Variants in CDC42BPA observed in about 807,000 individuals in gnomAD.
The protein encoded by CDC42BPA is serine/threonine-protein kinase MRCK alpha.
A neutral mutation model predicts 223.5 loss-of-function variants in CDC42BPA; 80 were observed. The observed-to-expected ratio is 0.36, with a 90% CI of 0.30 to 0.43. CDC42BPA has a LOEUF of 0.43. Among genes scored for constraint, CDC42BPA ranks in the 20% least tolerant of loss-of-function variants. The pLI, the probability that CDC42BPA is intolerant of heterozygous loss-of-function variation, is 1.00. For missense variants in CDC42BPA, 1,743 were observed against 2,099.9 expected (o/e 0.83, Z 3.32); for synonymous variants, 694 against 718.6 (o/e 0.97, Z 0.55).
chr1:227,181,110 A>G (rs989692539), intron 5 of CDC42BPA, among the ~76,000 whole-genome samples: 1 of 152,248 alleles, frequency 6.6e-6, no homozygotes, highest in East Asian at 1.9e-4. Flanking sequence ...TATGCAGCAA[A>G]TCAAAAACAG....
rs1309498246 is a variant in CDC42BPA at position 227,230,812 on chromosome 1, C to CTTTTTTTT, written c.271-17594_271-17593insAAAAAAAA. ...GCTAACTGATTTCTATTTCTTTTTT[C>CTTTTTTTT]TTTCTTTCTTTTTTTTTTTTTTTTT... On this transcript the variant is annotated intron_variant, in intron 2 of 36. Transcript: ENST00000366766. 1.5e-3 allele frequency among the ~76,000 whole-genome samples: 163 copies of CTTTTTTTT among 111,736 alleles called. 5 individuals are homozygous for CTTTTTTTT. The highest frequency in any genetic ancestry group is 2.2e-3 in the Non-Finnish European group (116 of 53,684). 73.3% of individuals were successfully genotyped at this position (111,736 alleles called of 152,430 possible).
chr1:227,103,374 G>C (rs1459141826), intron 14 of CDC42BPA, among the ~76,000 whole-genome samples: 4 of 152,014 alleles, frequency 2.6e-5, no homozygotes, highest in Non-Finnish European at 4.4e-5. Context: ...AAGGATAATA[G>C]TGAGAAATTT....
At chr1:227,181,817 G>A (rs1044849490) in intron 5 of CDC42BPA, among the ~76,000 whole-genome samples, 3 of 152,106 alleles carry the variant, frequency 2.0e-5, no homozygotes, top group Non-Finnish European at 4.4e-5. Context: ...TGAAGTAGAA[G>A]TATTTTCTTA....
intron 12 of CDC42BPA, among the ~76,000 whole-genome samples, chr1:227,119,144 A>G (rs977354794): frequency 6.6e-6 from 1 of 152,104 alleles, no homozygotes; most frequent in Admixed American, 6.5e-5. Context: ...TGCAATGGCT[A>G]GTATTAGTCC....
intron 2 of CDC42BPA, among the ~76,000 whole-genome samples, chr1:227,232,531 C>T (rs1325585245): frequency 6.6e-6 from 1 of 152,234 alleles, no homozygotes; most frequent in East Asian, 1.9e-4. Context: ...CTGGTTTCTC[C>T]CCATCTTTGT....
intron 2 of CDC42BPA, among the ~76,000 whole-genome samples, chr1:227,232,473 TGGA>T (rs1678174494): frequency 6.6e-6 from 1 of 152,226 alleles, no homozygotes; most frequent in Non-Finnish European, 1.5e-5. Context: ...TGCGTTCCTT[TGGA>T]GGAGAAGAGG....
intron 3 of CDC42BPA, among the ~76,000 whole-genome samples, chr1:227,207,361 C>CTTTTTTTTTT (rs1672958380): frequency 9.3e-6 from 1 of 107,536 alleles, no homozygotes; most frequent in African/African-American, 3.5e-5. Flanking sequence ...CTTTTTTTTT[C>CTTTTTTTTTT]TTTTTCTTTT....
intron 14 of CDC42BPA, among the ~76,000 whole-genome samples, chr1:227,108,950 G>C (rs902463510): frequency 6.6e-6 from 1 of 151,912 alleles, no homozygotes; most frequent in Non-Finnish European, 1.5e-5. Context: ...AATACTGCAG[G>C]GAACTGTAAC....
chr1:227,318,162 G>A lies in CDC42BPA; in HGVS notation c.-980C>T, dbSNP rs539375125. ...CTCCCGACGCCCCAGGCGGGGGGGTGCTTCTCTGAATTCAAAGGACACAAG... is the reference window on the plus strand; with the variant it reads ...CTCCCGACGCCCCAGGCGGGGGGGTACTTCTCTGAATTCAAAGGACACAAG... On this transcript the variant is annotated 5_prime_UTR_variant, in exon 1 of 37. Transcript: ENST00000366766. 9.6e-3 allele frequency: 1,566 copies of A among 162,966 alleles called. 44 individuals are homozygous for A. The highest frequency in any genetic ancestry group is 0.035 in the African/African-American group (1,461 of 41,612). The allele number at this position is 162,966 out of a possible 1,614,324, so 10.1% of individuals were successfully genotyped here. A position where few individuals can be genotyped will look rare whatever the true frequency, so the allele number is the denominator to read the frequency against.
intron 1 of CDC42BPA, among the ~76,000 whole-genome samples, chr1:227,266,470 T>C (rs141037939): frequency 3.9e-5 from 6 of 152,240 alleles, no homozygotes; most frequent in Non-Finnish European, 7.3e-5. Flanking sequence ...CCTCAAGACT[T>C]ATTTAGTAAT....
intron 31 of CDC42BPA, 60 bp downstream of exon 31, chr1:227,025,995 G>C (rs1310995132): frequency 2.3e-6 from 2 of 862,716 alleles, no homozygotes; most frequent in African/African-American, 3.5e-5. Flanking sequence ...TTACTATGTA[G>C]TAATTTAGTG....
intron 21 of CDC42BPA, chr1:227,068,842 T>A (rs543992385): frequency 6.1e-5 from 12 of 196,682 alleles, no homozygotes; most frequent in Admixed American, 2.5e-4. Context: ...GCAGTCACTA[T>A]CATTGTTCTT....
Position 226,992,024 on chromosome 1 carries a change from AGGAGGGTGGGGAGAGTGAGGAGGGTGG to A in CDC42BPA, c.*2217_*2243del, listed in dbSNP as rs1278606775. ...AGAGGAGGGGAGGGTGGGGAGAGTG[AGGAGGGTGGGGAGAGTGAGGAGGGTGG>A]GGAGAGTGGGGAGGAGAGGAGAGAA... On this transcript the variant is annotated 3_prime_UTR_variant, in exon 37 of 37. Coordinates refer to ENST00000366766, the MANE Select transcript of CDC42BPA (RefSeq NM_001394014.1). 9.8e-5 allele frequency: 1 copy of A among 10,202 alleles called. No homozygotes were observed. The highest frequency in any genetic ancestry group is 1.9e-4 in the Non-Finnish European group (1 of 5,208). 0.6% of individuals were successfully genotyped at this position (10,202 alleles called of 1,614,324 possible). A position where few individuals can be genotyped will look rare whatever the true frequency, so the allele number is the denominator to read the frequency against.
intron 16 of CDC42BPA, 33 bp from the exon 17 acceptor site, chr1:227,081,050 T>C: frequency 6.2e-7 from 1 of 1,609,518 alleles, no homozygotes; most frequent in East Asian, 2.2e-5. Flanking sequence ...GCATGACTTT[T>C]AGGACCAAGA....
intron 7 of CDC42BPA, 35 bp downstream of exon 7, chr1:227,147,324 C>G (rs1660880029): frequency 6.9e-7 from 1 of 1,449,960 alleles, no homozygotes. Context: ...GTGTTATTTA[C>G]CACATTAATT....
intron 25 of CDC42BPA, among the ~76,000 whole-genome samples, chr1:227,035,261 T>C (rs1670008508): frequency 6.6e-6 from 1 of 152,190 alleles, no homozygotes; most frequent in African/African-American, 2.4e-5. Context: ...AGGAACAATA[T>C]GGAAAAACTT....
At chr1:227,175,299 AAAG>A (rs1666759530) in intron 5 of CDC42BPA, among the ~76,000 whole-genome samples, 1 of 152,166 alleles carries the variant, frequency 6.6e-6, no homozygotes, top group South Asian at 2.1e-4. Context: ...CAACACCCAG[AAAG>A]AAGCCCTTGA....
In CDC42BPA at chr1:227,031,463, G is replaced by A. The variant is rs1669274078; in HGVS notation, c.3610C>T (p.Leu1204=). 3.1e-6 allele frequency: 5 copies of A among 1,613,954 alleles called. No homozygotes were observed. The highest frequency in any genetic ancestry group is 3.4e-6 in the Non-Finnish European group (4 of 1,179,986). Residue 1204 remains leucine (L), a synonymous_variant, in exon 28 of 37, where the codon CTA becomes TTA. Coordinates refer to ENST00000366766, the MANE Select transcript of CDC42BPA (RefSeq NM_001394014.1). ...TTCTTCTCATTCTCAGTGTCTGCTA[G>A]CATCAGGATTGAACATTTGTTATTA... ...ASNNKCSILM[L]ADTENEKNKW...
chr1:227,158,297 A>G (rs1663196712), intron 6 of CDC42BPA, among the ~76,000 whole-genome samples: 1 of 152,004 alleles, frequency 6.6e-6, no homozygotes, highest in South Asian at 2.1e-4. Flanking sequence ...GCTAAGTCCA[A>G]CATGTGTGCC....
Sources: allele counts gnomAD v4.1 joint callset (sites outside exome capture counted in the v4.1 genomes callset), GRCh38; gene constraint gnomAD v4.1.1; transcripts MANE v1.5; gene names NCBI Gene and HGNC (gene_info 2026-07-23, HGNC 2026-07-21).